ANKS1B: variants seen among roughly 807,000 people sequenced by gnomAD.
ANKS1B encodes the protein ankyrin repeat and sterile alpha motif domain-containing protein 1B.
ANKS1B carries 36 observed loss-of-function variants against 148.3 expected under a neutral mutation model. The observed-to-expected ratio is 0.24, with a 90% CI of 0.19 to 0.32. The LOEUF is 0.32. ANKS1B is among the 10% of genes least tolerant of loss of function. ANKS1B has a pLI of 1.00. For synonymous variants in ANKS1B, 542 were observed against 560.8 expected, an observed-to-expected ratio of 0.97 and a Z score of 0.47; for missense variants, 1,157 against 1,542.6, an observed-to-expected ratio of 0.75 and a Z score of 4.19.
At chr12:99,481,332 T>C (rs923437393) in intron 10 of ANKS1B, among the ~76,000 whole-genome samples, 1 of 151,900 alleles carries the variant, frequency 6.6e-6, no homozygotes, top group Admixed American at 6.6e-5. Flanking sequence ...TCTAGCTTCA[T>C]GCAAATTGAT....
chr12:99,300,486 AC>A (rs779645241), intron 12 of ANKS1B, among the ~76,000 whole-genome samples: 4 of 152,220 alleles, frequency 2.6e-5, no homozygotes, highest in Non-Finnish European at 5.9e-5. Context: ...GAAAAAAAAA[AC>A]AACACAGAAA....
rs1241160886 is a variant in ANKS1B, at chr12:98,829,469, C to T, written c.2887-116G>A. ...GGGTGGGGAGTCGCTTTTGAAGCAA[C>T]AGCCAAGGAATGAATGACATTCCAC... On this transcript the variant is annotated intron_variant, in intron 18 of 26. Transcript: ENST00000683438. This position sits in a 1 kb window ranked among gnomAD's most constrained non-coding sequence, Gnocchi z 5.2. 7.5e-6 allele frequency: 7 copies of T among 934,844 alleles called. No homozygotes were observed. The highest frequency in any genetic ancestry group is 3.4e-5 in the South Asian group (2 of 59,210). 57.9% of individuals were successfully genotyped at this position (934,844 alleles called of 1,614,324 possible). A position where few individuals can be genotyped will look rare whatever the true frequency, so the allele number is the denominator to read the frequency against.
intron 1 of ANKS1B, among the ~76,000 whole-genome samples, chr12:99,860,205 C>G (rs961541882): frequency 6.6e-6 from 1 of 152,156 alleles, no homozygotes; most frequent in African/African-American, 2.4e-5. Context: ...AGGCAAAAGA[C>G]ACAGAGCAAT....
intron 1 of ANKS1B, among the ~76,000 whole-genome samples, chr12:99,934,233 T>C (rs955004291): frequency 2.0e-5 from 3 of 152,150 alleles, no homozygotes; most frequent in Admixed American, 6.6e-5. Context: ...TGTAGTTTTC[T>C]TTTTTTGATG....
intron 14 of ANKS1B, among the ~76,000 whole-genome samples, chr12:99,206,476 C>CA (rs149730620): frequency 0.02 from 2,928 of 149,130 alleles, 85 homozygotes; most frequent in African/African-American, 0.062. Flanking sequence ...AAAAAGATTT[C>CA]AAAAAAAAAA....
intron 17 of ANKS1B, among the ~76,000 whole-genome samples, chr12:99,001,193 C>T (rs544891319): frequency 1.3e-5 from 2 of 151,888 alleles, no homozygotes; most frequent in African/African-American, 2.4e-5. Flanking sequence ...GGAGTGGTGG[C>T]GCCATCTCGG....
At chr12:99,964,091 T>C (rs1206234102) in intron 1 of ANKS1B, among the ~76,000 whole-genome samples, 1 of 152,178 alleles carries the variant, frequency 6.6e-6, no homozygotes, top group East Asian at 1.9e-4. Flanking sequence ...TCTCTCATTC[T>C]GGAGGCCTAC....
intron 8 of ANKS1B, among the ~76,000 whole-genome samples, chr12:99,734,328 T>C (rs935325379): frequency 3.3e-5 from 5 of 152,156 alleles, no homozygotes; most frequent in African/African-American, 1.2e-4. Context: ...TTTTTGCTCT[T>C]GTTGCCCAGG....
intron 17 of ANKS1B, among the ~76,000 whole-genome samples, chr12:98,848,743 G>GGTTTTTTTTTTT (rs2099500216): frequency 4.2e-5 from 2 of 48,090 alleles, no homozygotes; most frequent in Non-Finnish European, 7.1e-5. Context: ...TGTATGTGTG[G>GGTTTTTTTTTTT]TTTTTTTTTT....
intron 25 of ANKS1B, among the ~76,000 whole-genome samples, chr12:98,769,661 C>G (rs932187552): frequency 1.3e-5 from 2 of 152,110 alleles, no homozygotes; most frequent in African/African-American, 2.4e-5. Context: ...ATCACACACA[C>G]GTATAGCTAA....
At chr12:99,050,008 G>T (rs1418459391) in intron 17 of ANKS1B, among the ~76,000 whole-genome samples, 2 of 152,146 alleles carry the variant, frequency 1.3e-5, no homozygotes, top group African/African-American at 2.4e-5. Flanking sequence ...CTTAAAACTA[G>T]CGACTCATTA....
chr12:98,911,382 T>C (rs2099786652), intron 17 of ANKS1B, among the ~76,000 whole-genome samples: 1 of 152,156 alleles, frequency 6.6e-6, no homozygotes, highest in Admixed American at 6.5e-5. Context: ...GTCAACTGTA[T>C]GGCCCTGAGA....
intron 9 of ANKS1B, among the ~76,000 whole-genome samples, chr12:99,543,211 C>T (rs1450037194): frequency 4.0e-5 from 6 of 151,806 alleles, no homozygotes; most frequent in African/African-American, 9.7e-5. Flanking sequence ...GGCCAATAAG[C>T]ACATAAAAAT....
At chr12:98,953,276 C>T (rs1354584707) in intron 17 of ANKS1B, among the ~76,000 whole-genome samples, 1 of 152,164 alleles carries the variant, frequency 6.6e-6, no homozygotes, top group Non-Finnish European at 1.5e-5. Flanking sequence ...CCACCTTGGC[C>T]TCCCAAAGTG....
At chr12:98,747,046 C>T (rs930475985) in intron 26 of ANKS1B, among the ~76,000 whole-genome samples, 7 of 152,022 alleles carry the variant, frequency 4.6e-5, no homozygotes, top group African/African-American at 7.2e-5. Flanking sequence ...GCACAGGCAA[C>T]GAAAGCAGAA....
intron 4 of ANKS1B, among the ~76,000 whole-genome samples, chr12:99,783,410 T>A (rs2064587854): frequency 6.6e-6 from 1 of 152,114 alleles, no homozygotes; most frequent in African/African-American, 2.4e-5. Context: ...AGATCAAGAT[T>A]CAAAATTTGA....
chr12:99,209,612 G>A (rs1490227700), intron 14 of ANKS1B, among the ~76,000 whole-genome samples: 2 of 152,130 alleles, frequency 1.3e-5, no homozygotes, highest in South Asian at 2.1e-4. Flanking sequence ...TCACCAAAAT[G>A]CCCAATATTG....
chr12:98,845,891 A>C (rs1356151872), intron 17 of ANKS1B, among the ~76,000 whole-genome samples: 9 of 151,864 alleles, frequency 5.9e-5, no homozygotes, highest in Non-Finnish European at 1.0e-4. Context: ...AATTAATTCA[A>C]TTATTTAATT....
intron 12 of ANKS1B, among the ~76,000 whole-genome samples, chr12:99,347,594 C>T (rs1000535762): frequency 1.3e-5 from 2 of 151,980 alleles, no homozygotes; most frequent in African/African-American, 4.8e-5. Context: ...TGTCAAATCA[C>T]TAGCTGACCA....
Sources: gnomAD v4.1 joint callset for allele counts (sites outside exome capture counted in the v4.1 genomes callset) on GRCh38, gnomAD v4.1.1 for gene constraint, Gnocchi (gnomAD v3.1) non-coding constraint, MANE v1.5 for transcripts, NCBI Gene and HGNC (gene_info 2026-07-23, HGNC 2026-07-21) for gene names.